ETFA: variants seen among roughly 807,000 people sequenced by gnomAD.
ETFA encodes the protein electron transfer flavoprotein subunit alpha, mitochondrial.
A neutral mutation model predicts 46.2 loss-of-function variants in ETFA; 22 were observed. The observed-to-expected ratio is 0.48, with a 90% CI of 0.34 to 0.68. The LOEUF is 0.68. ETFA is among the 30% of genes least tolerant of loss of function. ETFA has a pLI of 0.01. For missense variants in ETFA, 345 were observed against 401.1 expected (o/e 0.86, Z 1.19); for synonymous variants, 131 against 139.9 (o/e 0.94, Z 0.45).
intron 9 of ETFA, among the ~76,000 whole-genome samples, chr15:76,251,231 C>G (rs1159075638): frequency 6.6e-6 from 1 of 151,988 alleles, no homozygotes; most frequent in Non-Finnish European, 1.5e-5. Context: ...AACACTGTCT[C>G]AAAGAAGGTA....
chr15:76,243,496 A>C (rs1363042386), intron 9 of ETFA, among the ~76,000 whole-genome samples: 1 of 152,288 alleles, frequency 6.6e-6, no homozygotes, highest in East Asian at 1.9e-4. Flanking sequence ...TACTGTCTTC[A>C]AAATTTTACT....
intron 9 of ETFA, chr15:76,261,454 G>A (rs1452986712): frequency 2.2e-6 from 2 of 912,634 alleles, no homozygotes; most frequent in Admixed American, 4.4e-5. Flanking sequence ...CTGGACCACA[G>A]ACCCATCCTT....
intron 9 of ETFA, among the ~76,000 whole-genome samples, chr15:76,254,067 G>A (rs1344673380): frequency 6.6e-6 from 1 of 152,218 alleles, no homozygotes; most frequent in African/African-American, 2.4e-5. Flanking sequence ...ATTGAAATGA[G>A]CCCAGCATAT....
At chr15:76,288,851 C>T (rs1040028664) in intron 4 of ETFA, among the ~76,000 whole-genome samples, 1 of 151,176 alleles carries the variant, frequency 6.6e-6, no homozygotes, top group Non-Finnish European at 1.5e-5. Context: ...CTAACTTTGT[C>T]CTCAGCAGCA....
intron 4 of ETFA, among the ~76,000 whole-genome samples, chr15:76,289,777 C>T (rs1018159338): frequency 3.3e-5 from 5 of 152,192 alleles, no homozygotes; most frequent in African/African-American, 1.2e-4. Context: ...TTCTGATAGA[C>T]GTTTCTCATT....
chr15:76,262,980 C>T (rs1442804782), intron 9 of ETFA, among the ~76,000 whole-genome samples: 2 of 152,082 alleles, frequency 1.3e-5, no homozygotes, highest in Non-Finnish European at 2.9e-5. Flanking sequence ...CAGGACGGCC[C>T]CGGTAGGCAC....
chr15:76,305,857 T>C (rs2039933733), intron 1 of ETFA, among the ~76,000 whole-genome samples: 1 of 143,240 alleles, frequency 7.0e-6, no homozygotes, highest in African/African-American at 2.5e-5. Context: ...TCAACCTCAA[T>C]AGTTGTTTTT....
intron 8 of ETFA, among the ~76,000 whole-genome samples, chr15:76,279,044 A>T (rs1428101710): frequency 6.6e-6 from 1 of 152,162 alleles, no homozygotes; most frequent in Admixed American, 6.5e-5. Flanking sequence ...CAGCTTTATG[A>T]AGTCCCCCTG....
intron 4 of ETFA, among the ~76,000 whole-genome samples, chr15:76,289,596 A>T (rs2039738417): frequency 6.6e-6 from 1 of 152,230 alleles, no homozygotes; most frequent in Non-Finnish European, 1.5e-5. Flanking sequence ...TTAAAAATAT[A>T]TCCCATCCAA....
At chr15:76,259,914 G>A in intron 9 of ETFA, 1 of 1,266,592 alleles carries the variant, frequency 7.9e-7, no homozygotes. Flanking sequence ...GGGATGGGGT[G>A]ACAGCCTTTA....
chr15:76,265,144 C>T (rs968809925), intron 9 of ETFA, among the ~76,000 whole-genome samples: 1 of 152,170 alleles, frequency 6.6e-6, no homozygotes, highest in Non-Finnish European at 1.5e-5. Context: ...TAGGGAGCCA[C>T]CAAAGAAGGT....
intron 9 of ETFA, among the ~76,000 whole-genome samples, chr15:76,235,350 G>A (rs1440457672): frequency 2.0e-5 from 3 of 152,004 alleles, no homozygotes; most frequent in Non-Finnish European, 4.4e-5. Flanking sequence ...TCTGAAGGAG[G>A]GCACCACTCT....
intron 6 of ETFA, among the ~76,000 whole-genome samples, chr15:76,285,954 A>C (rs2039701297): frequency 6.6e-6 from 1 of 152,248 alleles, no homozygotes; most frequent in Non-Finnish European, 1.5e-5. Context: ...TCCAGAAATC[A>C]TTCAATTCTC....
chr15:76,285,675 CG>C lies in ETFA; in HGVS notation c.625del (p.Arg209AspfsTer4), dbSNP rs1209473816. 14 of 1,612,102 alleles carry C rather than the reference CG, an allele frequency of 8.7e-6. No homozygotes were observed. Among genetic ancestry groups the C allele is most frequent in the Non-Finnish European group, 1.2e-5 (14 of 1,178,428 alleles). On this transcript the variant is annotated frameshift_variant, in exon 7 of 12. Transcript: ENST00000557943. LOFTEE classifies it high-confidence loss of function. ...WLDQKLTKSDRPELTGAKVVV... is the reference protein window; with the variant it reads ...WLDQKLTKSDXPELTGAKVVV... Reference sequence around the variant, plus strand: ...CACTTTGGCACCTGTTAGCTCTGGTCGATCACTTTTTGTTAATTTCTGGTCA... The same window carrying C: ...CACTTTGGCACCTGTTAGCTCTGGTCATCACTTTTTGTTAATTTCTGGTCA...
At chr15:76,302,941 G>A (rs1319137958) in intron 1 of ETFA, among the ~76,000 whole-genome samples, 1 of 152,116 alleles carries the variant, frequency 6.6e-6, no homozygotes, top group Non-Finnish European at 1.5e-5. Context: ...TCAGCCTCCT[G>A]AGTAGCTAGG....
chr15:76,238,883 G>A (rs542909343), intron 9 of ETFA, among the ~76,000 whole-genome samples: 2 of 152,250 alleles, frequency 1.3e-5, no homozygotes, highest in South Asian at 2.1e-4. Context: ...CTCTCTGCCC[G>A]TATTATGAAA....
At chr15:76,255,998 C>A (rs1220394933) in intron 9 of ETFA, among the ~76,000 whole-genome samples, 1 of 151,964 alleles carries the variant, frequency 6.6e-6, no homozygotes, top group Non-Finnish European at 1.5e-5. Flanking sequence ...TGGCTCACAC[C>A]TGTAATCCCA....
intron 1 of ETFA, among the ~76,000 whole-genome samples, chr15:76,301,980 C>T (rs1433927149): frequency 2.6e-5 from 4 of 152,102 alleles, no homozygotes; most frequent in African/African-American, 9.7e-5. Flanking sequence ...CAAATTAAAA[C>T]GAGATACCAC....
intron 9 of ETFA, among the ~76,000 whole-genome samples, chr15:76,249,618 T>A (rs1363751768): frequency 6.6e-6 from 1 of 151,768 alleles, no homozygotes; most frequent in African/African-American, 2.4e-5. Context: ...ATTTTTGGTA[T>A]TTTTAGTAGA....
Sources: allele counts gnomAD v4.1 joint callset (sites outside exome capture counted in the v4.1 genomes callset), GRCh38; gene constraint gnomAD v4.1.1; transcripts MANE v1.5; gene names NCBI Gene and HGNC (gene_info 2026-07-23, HGNC 2026-07-21).